B3GALT1: variants seen among roughly 807,000 people sequenced by gnomAD.
The protein encoded by B3GALT1 is beta-1,3-galactosyltransferase 1, also known as UDP-Gal:betaGlcNAc beta 1,3-galactosyltransferase, polypeptide 1.
B3GALT1 carries 10 observed loss-of-function variants against 23.2 expected under a neutral mutation model. The observed-to-expected ratio is 0.43, with a 90% confidence interval of 0.27 to 0.73. The LOEUF is 0.73. B3GALT1 is among the 30% of genes least tolerant of loss of function. B3GALT1 has a pLI of 0.21. For synonymous variants in B3GALT1, 156 were observed against 141.5 expected, an observed-to-expected ratio of 1.10 and a Z score of -0.73; for missense variants, 299 against 405.4, an observed-to-expected ratio of 0.74 and a Z score of 2.25.
At chr2:167,740,423 C>T (rs1221004101) in intron 3 of B3GALT1, among the ~76,000 whole-genome samples, 1 of 152,062 alleles carries the variant, frequency 6.6e-6, no homozygotes, top group East Asian at 1.9e-4. Context: ...ATGTCTTTGG[C>T]CCAGCTGGCA....
At chr2:167,693,462 G>T (rs1190840446) in intron 3 of B3GALT1, among the ~76,000 whole-genome samples, 1 of 152,104 alleles carries the variant, frequency 6.6e-6, no homozygotes, top group Non-Finnish European at 1.5e-5. Flanking sequence ...CAATAGAACT[G>T]TAGGCTTCAT....
In B3GALT1 at chr2:167,392,708, G is replaced by GA. The variant is rs572014431; in HGVS notation, c.-510-97463dup. Among the ~76,000 whole-genome samples the GA allele has an allele frequency of 4.1e-4, 63 of 152,014 alleles. No homozygotes were observed. In the South Asian group the frequency reaches 6.7e-3, roughly 16 times the overall value. ...TGGCTCAAACTTCAGTGTTTTTGGG[G>GA]AAAAAACCCATAAATTATCACAAAA... On this transcript the variant is annotated intron_variant, in intron 1 of 4. Coordinates refer to ENST00000392690, the MANE Select transcript of B3GALT1 (RefSeq NM_020981.4).
intron 2 of B3GALT1, among the ~76,000 whole-genome samples, chr2:167,532,823 C>T (rs749573501): frequency 2.1e-4 from 30 of 142,350 alleles, no homozygotes; most frequent in Non-Finnish European, 4.4e-4. Flanking sequence ...ATAATCATGT[C>T]TGCAGATAGA....
chr2:167,608,884 G>A (rs764879354), intron 2 of B3GALT1, among the ~76,000 whole-genome samples: 3 of 152,132 alleles, frequency 2.0e-5, no homozygotes, highest in Admixed American at 6.6e-5. Flanking sequence ...TTGGTAAGCT[G>A]AGAGGTTTGT....
chr2:167,776,153 T>G (rs982418951), intron 3 of B3GALT1, among the ~76,000 whole-genome samples: 2 of 152,118 alleles, frequency 1.3e-5, no homozygotes, highest in Non-Finnish European at 2.9e-5. Context: ...CCAGCGCTTG[T>G]AGACCTGGAT....
intron 3 of B3GALT1, among the ~76,000 whole-genome samples, chr2:167,666,866 C>T (rs1035297954): frequency 3.9e-5 from 6 of 152,196 alleles, no homozygotes; most frequent in African/African-American, 1.4e-4. Context: ...GATGGGTTTA[C>T]TGAATACAGC....
chr2:167,583,524 T>C (rs1419668780), intron 2 of B3GALT1, among the ~76,000 whole-genome samples: 1 of 152,198 alleles, frequency 6.6e-6, no homozygotes, highest in Non-Finnish European at 1.5e-5. Flanking sequence ...TTTACAAACA[T>C]TATATCTGTT....
At chr2:167,654,397 C>A (rs1005020694) in intron 3 of B3GALT1, among the ~76,000 whole-genome samples, 6 of 152,152 alleles carry the variant, frequency 3.9e-5, no homozygotes, top group Non-Finnish European at 5.9e-5. Flanking sequence ...CCACTTCTCC[C>A]AGCCTAGGAA....
chr2:167,737,003 A>C (rs1687503740), intron 3 of B3GALT1, among the ~76,000 whole-genome samples: 1 of 151,884 alleles, frequency 6.6e-6, no homozygotes, highest in South Asian at 2.1e-4. Flanking sequence ...GCATTAAAGC[A>C]ATTAATGATG....
At chr2:167,414,291 A>G (rs1698435327) in intron 1 of B3GALT1, among the ~76,000 whole-genome samples, 2 of 152,150 alleles carry the variant, frequency 1.3e-5, no homozygotes, top group African/African-American at 4.8e-5. Flanking sequence ...TTGAATCAGG[A>G]AAACTTGTGT....
intron 2 of B3GALT1, among the ~76,000 whole-genome samples, chr2:167,549,407 C>G (rs1683705942): frequency 6.6e-6 from 1 of 152,194 alleles, no homozygotes. Context: ...GCCTCACAAT[C>G]ATAAATAACA....
At chr2:167,631,950 C>G (rs1263799278) in intron 2 of B3GALT1, among the ~76,000 whole-genome samples, 2 of 151,866 alleles carry the variant, frequency 1.3e-5, no homozygotes, top group African/African-American at 4.8e-5. Flanking sequence ...CCCCTACCCC[C>G]CACCCACTGA....
At chr2:167,860,330 CA>C (rs1334671895) in intron 4 of B3GALT1, among the ~76,000 whole-genome samples, 4 of 152,180 alleles carry the variant, frequency 2.6e-5, no homozygotes, top group Admixed American at 6.6e-5. Flanking sequence ...TCACTCATTT[CA>C]AGACCATTTC....
At chr2:167,678,550 A>C (rs1274714551) in intron 3 of B3GALT1, among the ~76,000 whole-genome samples, 1 of 150,368 alleles carries the variant, frequency 6.7e-6, no homozygotes, top group East Asian at 2.0e-4. Flanking sequence ...ATCTTACAAT[A>C]CCCACCACTC....
At chr2:167,654,575 C>A (rs1328527348) in intron 3 of B3GALT1, among the ~76,000 whole-genome samples, 1 of 152,128 alleles carries the variant, frequency 6.6e-6, no homozygotes, top group Admixed American at 6.5e-5. Flanking sequence ...TCATAGCTCA[C>A]TGCAGCCTTC....
chr2:167,807,030 G>T (rs1558985514), intron 3 of B3GALT1, among the ~76,000 whole-genome samples: 1 of 152,016 alleles, frequency 6.6e-6, no homozygotes, highest in Non-Finnish European at 1.5e-5. Flanking sequence ...ACTTCTTCCT[G>T]GTTTAGTCTT....
intron 1 of B3GALT1, among the ~76,000 whole-genome samples, chr2:167,361,212 G>GTTTTTT (rs66780629): frequency 6.7e-5 from 7 of 104,216 alleles, no homozygotes; most frequent in South Asian, 3.2e-4. Context: ...TCCCCCACTA[G>GTTTTTT]TTTTTTTTTT....
chr2:167,421,354 T>G (rs959679799), intron 1 of B3GALT1, among the ~76,000 whole-genome samples: 2 of 152,176 alleles, frequency 1.3e-5, no homozygotes. Context: ...TGGTTGAGCC[T>G]AGGGTTAAAT....
chr2:167,817,985 C>T lies in B3GALT1; in HGVS notation c.-351-687C>T, dbSNP rs1400157841. Among the ~76,000 whole-genome samples the T allele has an allele frequency of 4.6e-5, 7 of 152,214 alleles. 1 individual carries two copies. In the South Asian group the frequency reaches 1.2e-3, roughly 27 times the overall value. On this transcript the variant is annotated intron_variant, in intron 3 of 4. Transcript: ENST00000392690. ...GGGAAGGTGCGCATGCCTAAAATCC[C>T]AGCTGTGCCGTGAATGAACCAAATG... is the stretch of plus-strand genomic sequence containing the variant.
Sources: allele counts gnomAD v4.1 joint callset (sites outside exome capture counted in the v4.1 genomes callset), GRCh38; gene constraint gnomAD v4.1.1; transcripts MANE v1.5; gene names NCBI Gene and HGNC (gene_info 2026-07-23, HGNC 2026-07-21).